Variants in CRTC3 observed in about 807,000 individuals in gnomAD.
CRTC3 encodes CREB regulated transcription coactivator 3, also known as CREB-regulated transcription coactivator 3.
Under a neutral mutation model 74.5 loss-of-function variants are expected in CRTC3, and 26 were observed. The observed-to-expected ratio is 0.35, with a 90% confidence interval of 0.26 to 0.48. The LOEUF (loss-of-function observed/expected upper bound fraction) is 0.48. Among genes scored for constraint, CRTC3 ranks in the 20% least tolerant of loss-of-function variants. The probability of loss-of-function intolerance (pLI) is 0.99; values close to 1 mark genes in which losing one functional copy is unlikely to be tolerated. For missense variants in CRTC3, 760 were observed against 787.3 expected, an observed-to-expected ratio of 0.97 and a Z score of 0.41; for synonymous variants, 377 against 325.8, an observed-to-expected ratio of 1.16 and a Z score of -1.69.
At chr15:90,616,791 T>G (rs2082695196) in intron 7 of CRTC3, among the ~76,000 whole-genome samples, 1 of 152,194 alleles carries the variant, frequency 6.6e-6, no homozygotes, top group South Asian at 2.1e-4. Flanking sequence ...AATGGTCCCT[T>G]TATACAGGTT....
chr15:90,548,795 A>G (rs1966849043), intron 2 of CRTC3, among the ~76,000 whole-genome samples: 1 of 152,248 alleles, frequency 6.6e-6, no homozygotes, highest in African/African-American at 2.4e-5. Context: ...AATTGCAAAA[A>G]GGAAAAACTC....
Position 90,638,636 on chromosome 15 carries a change from T to C in CRTC3, c.1457T>C (p.Leu486Pro). The change falls in exon 12 of 15, where the codon CTC (leucine) becomes CCC (proline). Residue 486 changes from leucine to proline, a missense_variant. Leu to Pro is a moderately conservative substitution (Grantham distance 98). This residue lies in a region of CRTC3 where 652 missense variants were observed against 635.2 expected (regional missense o/e 1.03). Transcript: ENST00000268184. ...CTGCCACAGTCAGACTTTCAGCTTCTCCCGGCCCAGGTGAGTTCTGGCAGG... is the reference window on the plus strand; with the variant it reads ...CTGCCACAGTCAGACTTTCAGCTTCCCCCGGCCCAGGTGAGTTCTGGCAGG... ...SSLPQSDFQL[L>P]PAQGSSLTNF... 1 of 1,613,718 alleles carries C rather than the reference T, an allele frequency of 6.2e-7. No individual in the cohort carries two copies. The highest frequency in any genetic ancestry group is 8.5e-7 in the Non-Finnish European group (1 of 1,179,984).
intron 2 of CRTC3, among the ~76,000 whole-genome samples, chr15:90,548,471 C>G (rs541306984): frequency 1.3e-4 from 20 of 152,216 alleles, no homozygotes; most frequent in African/African-American, 4.8e-4. Context: ...GTTCGCATAG[C>G]AAGTAAGTAA....
intron 2 of CRTC3, among the ~76,000 whole-genome samples, chr15:90,572,972 A>G (rs1045216035): frequency 3.9e-5 from 6 of 152,248 alleles, no homozygotes; most frequent in African/African-American, 1.4e-4. Flanking sequence ...ATTAGTGTTA[A>G]GTATATTCAC....
intron 2 of CRTC3, among the ~76,000 whole-genome samples, chr15:90,550,941 T>A (rs1161756418): frequency 6.6e-6 from 1 of 152,080 alleles, no homozygotes; most frequent in Admixed American, 6.6e-5. Context: ...GCTTACGGAA[T>A]GAAACAAGAG....
chr15:90,578,986 C>T (rs1967473172), intron 2 of CRTC3, among the ~76,000 whole-genome samples: 1 of 152,020 alleles, frequency 6.6e-6, no homozygotes, highest in Admixed American at 6.6e-5. Context: ...TTTGCCTGTA[C>T]AGTTGGTCCT....
intron 1 of CRTC3, among the ~76,000 whole-genome samples, chr15:90,532,669 C>G (rs1596063866): frequency 6.6e-6 from 1 of 152,120 alleles, no homozygotes; most frequent in East Asian, 1.9e-4. Context: ...GTAGGATAGA[C>G]TAGACTGTAG....
chr15:90,531,960 T>TA (rs887364441), intron 1 of CRTC3, among the ~76,000 whole-genome samples: 57 of 151,276 alleles, frequency 3.8e-4, no homozygotes, highest in African/African-American at 1.0e-3. Context: ...TACTTTCAAG[T>TA]AAAAAAAAAG....
chr15:90,638,947 G>A (rs1282092975), intron 13 of CRTC3, 132 bp downstream of exon 13: 1 of 769,612 alleles, frequency 1.3e-6, no homozygotes, highest in Non-Finnish European at 2.2e-6. Flanking sequence ...TCTGTGGCTA[G>A]AAGAGCCTTT....
At chr15:90,550,690 CTT>C (rs367736343) in intron 2 of CRTC3, among the ~76,000 whole-genome samples, 3 of 147,950 alleles carry the variant, frequency 2.0e-5, no homozygotes, top group Non-Finnish European at 3.0e-5. Flanking sequence ...TCGAAACCTG[CTT>C]TTTTTTTTGT....
At chr15:90,565,574 GC>G (rs1207066216) in intron 2 of CRTC3, among the ~76,000 whole-genome samples, 1 of 152,158 alleles carries the variant, frequency 6.6e-6, no homozygotes, top group African/African-American at 2.4e-5. Flanking sequence ...AAGGTTTGTG[GC>G]AAACCTGCAT....
At chr15:90,549,171 G>T (rs1386138519) in intron 2 of CRTC3, among the ~76,000 whole-genome samples, 1 of 152,004 alleles carries the variant, frequency 6.6e-6, no homozygotes. Context: ...CCTTCTATGT[G>T]TTCAATGGTT....
chr15:90,632,771 C>A (rs1969087383), intron 11 of CRTC3, among the ~76,000 whole-genome samples: 1 of 152,094 alleles, frequency 6.6e-6, no homozygotes, highest in South Asian at 2.1e-4. Flanking sequence ...CGCCTGGCTA[C>A]TTTTTGTATT....
At chr15:90,591,697 C>T (rs1053890971) in intron 2 of CRTC3, among the ~76,000 whole-genome samples, 3 of 152,160 alleles carry the variant, frequency 2.0e-5, no homozygotes, top group African/African-American at 7.2e-5. Context: ...GCACTGTAGT[C>T]CCAGCTACTC....
chr15:90,594,309 A>G (rs180821430), intron 3 of CRTC3: 29 of 152,440 alleles, frequency 1.9e-4, no homozygotes, highest in Admixed American at 1.7e-3. Flanking sequence ...TTAAGTAGAA[A>G]TAAAGGAAAG....
chr15:90,635,858 A>C (rs1490286924), intron 11 of CRTC3, among the ~76,000 whole-genome samples: 1 of 152,172 alleles, frequency 6.6e-6, no homozygotes, highest in Non-Finnish European at 1.5e-5. Context: ...AGGGATGTGA[A>C]GGACCTCTTC....
At chr15:90,546,647 G>A (rs564012843) in intron 2 of CRTC3, among the ~76,000 whole-genome samples, 3 of 151,448 alleles carry the variant, frequency 2.0e-5, no homozygotes, top group African/African-American at 7.3e-5. Flanking sequence ...TTTTGAGACG[G>A]AGTCTCACTC....
In CRTC3 at chr15:90,638,430, T is replaced by C; in HGVS notation, c.1267-16T>C. The C allele has an allele frequency of 6.2e-7, 1 of 1,612,090 alleles. No individual in the cohort carries two copies. The highest frequency in any genetic ancestry group is 8.5e-7 in the Non-Finnish European group (1 of 1,178,242). Reference sequence around the variant, plus strand: ...ACGCAGAAGCTCATTAGTGGCTTTGTGTGTTTGTTTTGCAGATGGTGTCCT... The same window carrying C: ...ACGCAGAAGCTCATTAGTGGCTTTGCGTGTTTGTTTTGCAGATGGTGTCCT... On this transcript the variant is annotated splice_polypyrimidine_tract_variant and intron_variant, in intron 11 of 14. Coordinates refer to ENST00000268184, the MANE Select transcript of CRTC3 (RefSeq NM_022769.5).
At chr15:90,628,647 T>G (rs1968925923) in intron 10 of CRTC3, among the ~76,000 whole-genome samples, 1 of 151,732 alleles carries the variant, frequency 6.6e-6, no homozygotes, top group African/African-American at 2.4e-5. Flanking sequence ...TTTCCCTGAG[T>G]TGGTATAGAC....
Sources: allele counts gnomAD v4.1 joint callset (sites outside exome capture counted in the v4.1 genomes callset), GRCh38; gene constraint gnomAD v4.1.1; regional missense constraint gnomAD v4.1.1; transcripts MANE v1.5; gene names NCBI Gene and HGNC (gene_info 2026-07-23, HGNC 2026-07-21).